Variants in METTL15 observed in about 807,000 individuals in gnomAD.
METTL15 encodes the protein 12S rRNA N(4)-cytidine methyltransferase METTL15.
METTL15 carries 34 observed loss-of-function variants against 38.3 expected under a neutral mutation model. That is an observed-to-expected ratio of 0.89 (90% CI 0.68 to 1.18). METTL15 has a LOEUF of 1.18. METTL15 is among the 50% of genes most tolerant of loss of function. METTL15 has a pLI of 0.00. For synonymous variants in METTL15, 162 were observed against 170.9 expected (o/e 0.95, Z 0.41); for missense variants, 438 against 498.4 (o/e 0.88, Z 1.15).
intron 3 of METTL15, among the ~76,000 whole-genome samples, chr11:28,188,857 A>C (rs1183153958): frequency 6.6e-6 from 1 of 151,300 alleles, no homozygotes; most frequent in Non-Finnish European, 1.5e-5. Flanking sequence ...CTTTATGTGT[A>C]ACATAATAAT....
chr11:28,274,617 C>G (rs1318784470), intron 4 of METTL15, among the ~76,000 whole-genome samples: 1 of 151,824 alleles, frequency 6.6e-6, no homozygotes, highest in Non-Finnish European at 1.5e-5. Context: ...AATTCAAACC[C>G]CAGACTACAT....
At chr11:28,440,828 A>G (rs991333094) in intron 6 of METTL15, among the ~76,000 whole-genome samples, 19 of 152,244 alleles carry the variant, frequency 1.2e-4, no homozygotes, top group Admixed American at 1.3e-4. Flanking sequence ...GCCCTCTGCC[A>G]TTAATACTAA....
intron 5 of METTL15, among the ~76,000 whole-genome samples, chr11:28,375,894 A>G (rs1321775942): frequency 2.0e-5 from 3 of 151,800 alleles, no homozygotes; most frequent in Non-Finnish European, 2.9e-5. Context: ...TTCAAAGAAC[A>G]TCTTTATTTC....
intron 5 of METTL15, among the ~76,000 whole-genome samples, chr11:28,388,156 C>A (rs1243847697): frequency 3.1e-4 from 47 of 152,030 alleles, no homozygotes; most frequent in Admixed American, 3.0e-3. Context: ...AGGTATAAGG[C>A]AAAGATTCTC....
chr11:28,337,175 G>A (rs926645908), downstream of METTL15, among the ~76,000 whole-genome samples: 4 of 152,078 alleles, frequency 2.6e-5, no homozygotes, highest in African/African-American at 9.7e-5. Context: ...TATTACAAAA[G>A]AGTAAGAAAG....
chr11:28,500,845 TCTC>T lies in METTL15; in HGVS notation c.*425-25632_*425-25630del, dbSNP rs1163909679. ...GCTTTGAATGCTTTTAATGTGTTCT[TCTC>T]TTTTGATTTTCAGTGTATATGACTT... On this transcript the variant is annotated intron_variant and NMD_transcript_variant, in intron 6 of 7. Coordinates refer to the METTL15 transcript ENST00000532947. Among the ~76,000 whole-genome samples, 3 of 152,324 alleles carry T rather than the reference TCTC, an allele frequency of 2.0e-5. No individual in the cohort carries two copies. In the East Asian group the frequency reaches 5.8e-4, roughly 29 times the overall value.
At chr11:28,158,966 C>T (rs543667411) in intron 3 of METTL15, among the ~76,000 whole-genome samples, 5 of 152,160 alleles carry the variant, frequency 3.3e-5, no homozygotes, top group East Asian at 3.9e-4. Flanking sequence ...CCGGGATTCA[C>T]GGGTCCAGGA....
At chr11:28,171,401 G>T (rs977025935) in intron 3 of METTL15, among the ~76,000 whole-genome samples, 1 of 152,068 alleles carries the variant, frequency 6.6e-6, no homozygotes, top group African/African-American at 2.4e-5. Flanking sequence ...ATATTAGGTT[G>T]TATTGAGGCT....
chr11:28,294,570 C>T (rs1176609508), intron 5 of METTL15, among the ~76,000 whole-genome samples: 1 of 152,148 alleles, frequency 6.6e-6, no homozygotes, highest in African/African-American at 2.4e-5. Flanking sequence ...GAGTCTAGTT[C>T]TGTTGGCAGT....
chr11:28,345,379 G>A (rs574089379), intron 3 of METTL15, among the ~76,000 whole-genome samples: 24 of 152,144 alleles, frequency 1.6e-4, no homozygotes, highest in African/African-American at 4.8e-4. Flanking sequence ...TCGTAGAGAC[G>A]GGGTTTCACC....
At chr11:28,526,488 T>G (rs1851813276) in exon 7 of METTL15, 1 of 152,286 alleles carries the variant, frequency 6.6e-6, no homozygotes, top group African/African-American at 2.4e-5. Flanking sequence ...TTTGAATATG[T>G]CATCCCACTG....
intron 4 of METTL15, among the ~76,000 whole-genome samples, chr11:28,260,164 T>C (rs1325554310): frequency 6.6e-6 from 1 of 152,244 alleles, no homozygotes; most frequent in African/African-American, 2.4e-5. Context: ...CCAAACATAC[T>C]GTCCTTTCTG....
chr11:28,265,038 C>G (rs569883297), intron 4 of METTL15, among the ~76,000 whole-genome samples: 1 of 151,926 alleles, frequency 6.6e-6, no homozygotes, highest in Non-Finnish European at 1.5e-5. Context: ...GTGGCCAAGG[C>G]AATTATAAAA....
chr11:28,297,551 C>G (rs1856785372), intron 6 of METTL15, among the ~76,000 whole-genome samples: 1 of 152,094 alleles, frequency 6.6e-6, no homozygotes, highest in Admixed American at 6.6e-5. Context: ...TTTCGCTATT[C>G]ACCACCATAA....
At chr11:28,431,770 T>C (rs1590372667) in intron 6 of METTL15, among the ~76,000 whole-genome samples, 1 of 54,712 alleles carries the variant, frequency 1.8e-5, no homozygotes, top group Non-Finnish European at 3.5e-5. Context: ...ACCCAAGAAT[T>C]ATCAATAAAA....
chr11:28,224,505 A>T (rs1853390086), intron 4 of METTL15, among the ~76,000 whole-genome samples: 1 of 152,000 alleles, frequency 6.6e-6, no homozygotes, highest in East Asian at 1.9e-4. Flanking sequence ...ACAGGTTGGA[A>T]TATTTCCTTC....
At chr11:28,266,770 A>G (rs888558974) in intron 4 of METTL15, among the ~76,000 whole-genome samples, 1 of 152,148 alleles carries the variant, frequency 6.6e-6, no homozygotes, top group African/African-American at 2.4e-5. Flanking sequence ...TCCGTAAACT[A>G]TTCTCAACAT....
chr11:28,409,356 T>G (rs1486953281), intron 5 of METTL15, among the ~76,000 whole-genome samples: 3 of 113,398 alleles, frequency 2.6e-5, no homozygotes, highest in African/African-American at 1.0e-4. Context: ...CACTCCAGCC[T>G]GGGAGACAGA....
At chr11:28,488,947 A>G (rs1851459346) in intron 6 of METTL15, among the ~76,000 whole-genome samples, 1 of 152,144 alleles carries the variant, frequency 6.6e-6, no homozygotes, top group African/African-American at 2.4e-5. Context: ...TAATGTTAAT[A>G]AGCTTAGAGG....
Sources: allele counts gnomAD v4.1 joint callset (sites outside exome capture counted in the v4.1 genomes callset), GRCh38; gene constraint gnomAD v4.1.1; transcripts MANE v1.5; gene names NCBI Gene and HGNC (gene_info 2026-07-23, HGNC 2026-07-21).